OPHN1: variants seen among roughly 807,000 people sequenced by gnomAD.
OPHN1 encodes the protein oligophrenin-1.
OPHN1 carries 11 observed loss-of-function variants against 60.7 expected under a neutral mutation model. That is an observed-to-expected ratio of 0.18 (90% CI 0.11 to 0.30). OPHN1 has a LOEUF of 0.30. Among genes scored for constraint, OPHN1 ranks in the 10% least tolerant of loss-of-function variants. OPHN1 has a pLI of 1.00. For synonymous variants in OPHN1, 226 were observed against 222.6 expected (o/e 1.02, Z -0.14); for missense variants, 449 against 611.0 (o/e 0.73, Z 2.80).
chrX:68,070,755 C>G (rs1331946099), intron 20 of OPHN1: 3 of 1,141,705 alleles, frequency 2.6e-6, no homozygotes, highest in Non-Finnish European at 3.6e-6. Context: ...AAATACCCCC[C>G]ACAGGACCAT....
intron 15 of OPHN1, among the ~76,000 whole-genome samples, chrX:68,126,529 C>T (rs758541272): frequency 1.4e-4 from 15 of 111,035 alleles, no homozygotes; most frequent in Non-Finnish European, 3.8e-5. Context: ...ACTGCAACCT[C>T]TGCCTACCAG....
intron 15 of OPHN1, among the ~76,000 whole-genome samples, chrX:68,145,302 CTG>C (rs959262850): frequency 2.7e-5 from 3 of 111,800 alleles, no homozygotes; most frequent in Non-Finnish European, 5.7e-5. Flanking sequence ...CTATCACAAA[CTG>C]TTATTGCATT....
intron 2 of OPHN1, among the ~76,000 whole-genome samples, chrX:68,306,696 C>T (rs979623849): frequency 3.6e-5 from 4 of 111,559 alleles, no homozygotes; most frequent in Admixed American, 1.9e-4. Context: ...GGAAGCTGTC[C>T]GAAAAATTAA....
intron 15 of OPHN1, among the ~76,000 whole-genome samples, chrX:68,123,396 C>T (rs931714811): frequency 1.8e-5 from 2 of 111,857 alleles, no homozygotes; most frequent in Non-Finnish European, 3.8e-5. Context: ...AGATATAAAA[C>T]TCACTGGTAA....
chrX:68,222,414 T>C (rs377228038), intron 6 of OPHN1, among the ~76,000 whole-genome samples: 10 of 106,154 alleles, frequency 9.4e-5, no homozygotes, highest in African/African-American at 2.4e-4. Context: ...TTTGACCCAG[T>C]CATCCCATTA....
At chrX:68,229,996 A>C (rs1204311905) in intron 6 of OPHN1, among the ~76,000 whole-genome samples, 1 of 111,994 alleles carries the variant, frequency 8.9e-6, no homozygotes, top group Non-Finnish European at 1.9e-5. Flanking sequence ...ATGAGAGAAA[A>C]TTTTTACAAT....
chrX:68,365,987 AAAAAC>A (rs893758861), intron 2 of OPHN1, among the ~76,000 whole-genome samples: 3 of 110,114 alleles, frequency 2.7e-5, no homozygotes, highest in African/African-American at 9.9e-5. Context: ...TCCAAAAAAA[AAAAAC>A]AAATTCCTCC....
intron 21 of OPHN1, among the ~76,000 whole-genome samples, chrX:68,058,259 AACACACACACAC>A (rs745625536): frequency 2.0e-5 from 2 of 101,976 alleles, no homozygotes; most frequent in Non-Finnish European, 4.0e-5. Context: ...CCTACACTCT[AACACACACACAC>A]ACACACACAC....
At chrX:68,304,861 A>G (rs180758289) in intron 2 of OPHN1, among the ~76,000 whole-genome samples, 34 of 111,096 alleles carry the variant, frequency 3.1e-4, no homozygotes, top group South Asian at 1.9e-3. Context: ...GAAAATTGCC[A>G]TCCGGTTTAA....
intron 19 of OPHN1, 69 bp downstream of exon 19, chrX:68,096,801 C>A: frequency 9.4e-7 from 1 of 1,059,735 alleles, no homozygotes; most frequent in South Asian, 1.9e-5. Flanking sequence ...GAAGACACAG[C>A]ACTAAAAGGC....
At chrX:68,249,954 A>G (rs1395125237) in intron 5 of OPHN1, among the ~76,000 whole-genome samples, 1 of 112,155 alleles carries the variant, frequency 8.9e-6, no homozygotes, top group Non-Finnish European at 1.9e-5. Flanking sequence ...TCTAAAAACT[A>G]TAATGTCAGA....
chrX:68,389,176 C>T (rs1165769055), intron 2 of OPHN1, among the ~76,000 whole-genome samples: 2 of 105,876 alleles, frequency 1.9e-5, no homozygotes, highest in Non-Finnish European at 3.9e-5. Context: ...AGGCCAGTCT[C>T]GAACTCCTGA....
chrX:68,115,060 C>A (rs2147435841), intron 16 of OPHN1, among the ~76,000 whole-genome samples: 1 of 112,232 alleles, frequency 8.9e-6, no homozygotes, highest in South Asian at 3.7e-4. Flanking sequence ...GGGGAGCTGG[C>A]AAACTGGCAG....
intron 2 of OPHN1, among the ~76,000 whole-genome samples, chrX:68,331,316 C>T (rs770016341): frequency 2.8e-5 from 3 of 107,690 alleles, no homozygotes; most frequent in East Asian, 5.7e-4. Flanking sequence ...AAACAGAAAA[C>T]ATTGCCAAGA....
At chrX:68,230,143 G>C in intron 6 of OPHN1, among the ~76,000 whole-genome samples, 1 of 112,133 alleles carries the variant, frequency 8.9e-6, no homozygotes, top group Non-Finnish European at 1.9e-5. Flanking sequence ...CATTTATGCA[G>C]TCAACAGACA....
intron 2 of OPHN1, among the ~76,000 whole-genome samples, chrX:68,347,904 A>T (rs1217393337): frequency 8.9e-6 from 1 of 111,989 alleles, no homozygotes; most frequent in Non-Finnish European, 1.9e-5. Flanking sequence ...TTGGAGACAA[A>T]AGTTATCTTC....
intron 6 of OPHN1, 65 bp from the exon 7 acceptor site, chrX:68,214,037 G>A: frequency 1.5e-6 from 1 of 651,076 alleles, no homozygotes; most frequent in Middle Eastern, 3.0e-4. Flanking sequence ...AGTACTTAAG[G>A]ATTGAACAGA....
At chrX:68,141,166 G>A (rs778003404) in intron 15 of OPHN1, among the ~76,000 whole-genome samples, 5 of 111,518 alleles carry the variant, frequency 4.5e-5, no homozygotes, top group African/African-American at 1.3e-4. Context: ...GCCCACAAAG[G>A]GGGTAAAGGT....
chrX:68,105,577 T>G (rs925383506), intron 18 of OPHN1, among the ~76,000 whole-genome samples: 2 of 104,872 alleles, frequency 1.9e-5, no homozygotes, highest in East Asian at 3.0e-4. Flanking sequence ...AAACACCACA[T>G]GTTTTCACTC....
Sources: gnomAD v4.1 joint callset for allele counts (sites outside exome capture counted in the v4.1 genomes callset) on GRCh38, gnomAD v4.1.1 for gene constraint, MANE v1.5 for transcripts, NCBI Gene and HGNC (gene_info 2026-07-23, HGNC 2026-07-21) for gene names.